Variants in RAB30 observed in about 807,000 individuals in gnomAD.
RAB30 encodes RAB30, member RAS oncogene family.
A neutral mutation model predicts 25.1 loss-of-function variants in RAB30; 9 were observed. The observed-to-expected ratio is 0.36, with a 90% confidence interval of 0.22 to 0.63. The LOEUF (loss-of-function observed/expected upper bound fraction) is 0.63. RAB30 is among the 20% of genes least tolerant of loss of function. RAB30 has a pLI of 0.69. For synonymous variants in RAB30, 77 were observed against 86.4 expected (o/e 0.89, Z 0.60); for missense variants, 140 against 243.5 (o/e 0.58, Z 2.83).
At chr11:83,070,901 G>C (rs1858825685) in intron 1 of RAB30, among the ~76,000 whole-genome samples, 2 of 152,162 alleles carry the variant, frequency 1.3e-5, no homozygotes, top group South Asian at 2.1e-4. Context: ...TATGCCTCAG[G>C]AAACAGCAGC....
At chr11:83,027,211 A>C (rs1857741001) in intron 1 of RAB30, among the ~76,000 whole-genome samples, 1 of 152,206 alleles carries the variant, frequency 6.6e-6, no homozygotes, top group African/African-American at 2.4e-5. Context: ...AGTGAACCTG[A>C]ATGATGGGTA....
At chr11:83,028,276 C>T (rs1309649193) in intron 1 of RAB30, among the ~76,000 whole-genome samples, 2 of 151,970 alleles carry the variant, frequency 1.3e-5, no homozygotes, top group South Asian at 4.1e-4. Flanking sequence ...AAATCGAAAT[C>T]TTCTAAAGAA....
intron 1 of RAB30, among the ~76,000 whole-genome samples, chr11:83,016,849 C>A (rs10898071): frequency 6.6e-6 from 1 of 151,972 alleles, no homozygotes; most frequent in Non-Finnish European, 1.5e-5. Context: ...CTGTTCCTCA[C>A]ACAGACTTCT....
At chr11:83,055,895 C>G (rs531710080) in intron 1 of RAB30, among the ~76,000 whole-genome samples, 2 of 136,116 alleles carry the variant, frequency 1.5e-5, no homozygotes, top group South Asian at 2.3e-4. Flanking sequence ...CTGCTGGCGC[C>G]TGGATCTTGG....
intron 1 of RAB30, among the ~76,000 whole-genome samples, chr11:83,052,773 C>T (rs1353102439): frequency 6.6e-6 from 1 of 152,160 alleles, no homozygotes; most frequent in African/African-American, 2.4e-5. Flanking sequence ...AGCAAATGAG[C>T]TGAAGTTTTC....
At chr11:83,010,154 T>C (rs2121490623) in intron 1 of RAB30, among the ~76,000 whole-genome samples, 1 of 152,264 alleles carries the variant, frequency 6.6e-6, no homozygotes, top group East Asian at 1.9e-4. Flanking sequence ...TACAGCATTA[T>C]GAAATAAATA....
In RAB30 at chr11:83,014,693, A is replaced by AGAAG. The variant is rs1491123798; in HGVS notation, c.-8-17370_-8-17369insCTTC. Among the ~76,000 whole-genome samples the AGAAG allele has an allele frequency of 3.7e-3, 532 of 143,970 alleles. 7 individuals are homozygous for AGAAG. The highest frequency in any genetic ancestry group is 0.014 in the African/African-American group (511 of 37,046). The allele number at this position is 143,970 out of a possible 152,430, so 94.4% of individuals were successfully genotyped here. Reference sequence around the variant, plus strand: ...AAGAAAGAAAGAAAGAAAGAAAGAAAGAGAAAGGAAGGAAGGAAGGATGGA... The same window carrying AGAAG: ...AAGAAAGAAAGAAAGAAAGAAAGAAAGAAGGAGAAAGGAAGGAAGGAAGGATGGA... On this transcript the variant is annotated intron_variant, in intron 1 of 4. Coordinates refer to ENST00000527633, the MANE Select transcript of RAB30 (RefSeq NM_001286060.2).
In RAB30 at chr11:82,976,452, T is replaced by C. The variant is rs1191923283; in HGVS notation, c.*5713A>G. 1 of 152,056 alleles carries C rather than the reference T, an allele frequency of 6.6e-6. No individual in the cohort carries two copies. The highest frequency in any genetic ancestry group is 2.4e-5 in the African/African-American group (1 of 41,394). The allele number at this position is 152,056 out of a possible 1,614,324, so 9.4% of individuals were successfully genotyped here. On this transcript the variant is annotated 3_prime_UTR_variant, in exon 5 of 5. Coordinates refer to ENST00000527633, the MANE Select transcript of RAB30 (RefSeq NM_001286060.2). ...CTAGAACTCCTCACACCTAAACTAGTGTTTCCCCTTCTATATAACTCCCCA... is the reference window on the plus strand; with the variant it reads ...CTAGAACTCCTCACACCTAAACTAGCGTTTCCCCTTCTATATAACTCCCCA...
At chr11:83,023,300 C>T (rs929839364) in intron 1 of RAB30, among the ~76,000 whole-genome samples, 3 of 152,132 alleles carry the variant, frequency 2.0e-5, no homozygotes, top group Admixed American at 2.0e-4. Flanking sequence ...CCATAAAACA[C>T]TGTCTCCTAA....
Position 82,975,213 on chromosome 11 carries a change from G to A in RAB30, c.*6952C>T, listed in dbSNP as rs934434354. ...TCATTGTCAAATAACCTACAAGAAA[G>A]TTCCACTAGCATTCTGCAATTGTAT... is the stretch of plus-strand genomic sequence containing the variant. On this transcript the variant is annotated 3_prime_UTR_variant, in exon 5 of 5. Transcript: ENST00000527633. The A allele has an allele frequency of 6.6e-6, 1 of 152,050 alleles. No homozygotes were observed. Among genetic ancestry groups the A allele is most frequent in the Non-Finnish European group, 1.5e-5 (1 of 67,988 alleles). The allele number at this position is 152,050 out of a possible 1,614,324, so 9.4% of individuals were successfully genotyped here.
At chr11:82,990,731 T>A (rs1251430073) in intron 3 of RAB30, among the ~76,000 whole-genome samples, 6 of 152,170 alleles carry the variant, frequency 3.9e-5, no homozygotes, top group Admixed American at 3.9e-4. Flanking sequence ...TATAATAGAC[T>A]AAAATATATA....
At position 82,975,251 on chromosome 11, in the gene RAB30, T is replaced by C. The variant is rs1241809117; in HGVS notation, c.*6914A>G. On this transcript the variant is annotated 3_prime_UTR_variant, in exon 5 of 5. Coordinates refer to ENST00000527633, the MANE Select transcript of RAB30 (RefSeq NM_001286060.2). ...TCTGCAATTGTATAGAATAAGAGAA[T>C]ATTTGTTGCTAATGATTACATTCCA... The C allele has an allele frequency of 6.6e-6, 1 of 152,198 alleles. No homozygotes were observed. Among genetic ancestry groups the C allele is most frequent in the Non-Finnish European group, 1.5e-5 (1 of 68,006 alleles). 9.4% of individuals were successfully genotyped at this position (152,198 alleles called of 1,614,324 possible).
chr11:83,061,292 G>A (rs1858570447), intron 1 of RAB30, among the ~76,000 whole-genome samples: 1 of 151,846 alleles, frequency 6.6e-6, no homozygotes, highest in Non-Finnish European at 1.5e-5. Context: ...TATTGGTTCT[G>A]TCTCTGGAGA....
intron 1 of RAB30, among the ~76,000 whole-genome samples, chr11:83,019,169 G>A (rs1217196841): frequency 6.6e-6 from 1 of 152,186 alleles, no homozygotes; most frequent in Non-Finnish European, 1.5e-5. Flanking sequence ...TGGAATTACA[G>A]GCATGTGCCA....
chr11:83,022,317 A>T (rs1431342191), intron 1 of RAB30, among the ~76,000 whole-genome samples: 1 of 152,068 alleles, frequency 6.6e-6, no homozygotes, highest in African/African-American at 2.4e-5. Context: ...ATGCCACCAC[A>T]CTCAGCTAAT....
At chr11:83,055,605 C>T (rs892467260) in intron 1 of RAB30, among the ~76,000 whole-genome samples, 1 of 152,208 alleles carries the variant, frequency 6.6e-6, no homozygotes, top group South Asian at 2.1e-4. Context: ...TAAAGGAGTG[C>T]TATGATTTGA....
chr11:83,030,679 C>T (rs567083812), intron 1 of RAB30, among the ~76,000 whole-genome samples: 1 of 151,944 alleles, frequency 6.6e-6, no homozygotes. Flanking sequence ...CACCTGTAAT[C>T]CCAGCTACTC....
At chr11:83,030,105 G>C (rs1313351883) in intron 1 of RAB30, among the ~76,000 whole-genome samples, 2 of 152,122 alleles carry the variant, frequency 1.3e-5, no homozygotes, top group South Asian at 4.2e-4. Context: ...CTGTTTGGTT[G>C]ACAGGTGCAC....
chr11:82,999,316 G>A (rs1381577775), intron 1 of RAB30, among the ~76,000 whole-genome samples: 2 of 152,190 alleles, frequency 1.3e-5, no homozygotes, highest in Non-Finnish European at 2.9e-5. Context: ...AAAGGCATAT[G>A]GTATCATAAA....
Sources: gnomAD v4.1 joint callset for allele counts (sites outside exome capture counted in the v4.1 genomes callset) on GRCh38, gnomAD v4.1.1 for gene constraint, MANE v1.5 for transcripts, NCBI Gene and HGNC (gene_info 2026-07-23, HGNC 2026-07-21) for gene names.